The following IMMP2L variants were observed in gnomAD, a reference collection of about 807,000 sequenced individuals.
IMMP2L encodes inner mitochondrial membrane peptidase subunit 2.
IMMP2L carries 18 observed loss-of-function variants against 19.3 expected under a neutral mutation model. The ratio of observed to expected loss-of-function variants is 0.93; its 90% CI spans 0.64 to 1.38. The LOEUF (loss-of-function observed/expected upper bound fraction) is 1.38, where lower values mean the gene tolerates loss of function less well. Ranked by LOEUF, IMMP2L falls within the 40% of genes most tolerant of loss-of-function variation. The pLI is 0.00. For synonymous variants in IMMP2L, 76 were observed against 73.0 expected (o/e 1.04, Z -0.21); for missense variants, 233 against 218.2 (o/e 1.07, Z -0.43).
intron 3 of IMMP2L, among the ~76,000 whole-genome samples, chr7:111,346,326 G>A (rs1827558684): frequency 6.6e-6 from 1 of 152,112 alleles, no homozygotes; most frequent in Non-Finnish European, 1.5e-5. Flanking sequence ...CCCTTGTCCT[G>A]GGCTATTTCA....
rs1031271162 is a variant in IMMP2L, at chr7:110,728,414, G to T, written c.409-64693C>A. ...CTCGGGAGGCTGAGGCACGAGAATC[G>T]CTTGAACCTGGGAGGCAGAGGTTGC... is the stretch of plus-strand genomic sequence containing the variant. On this transcript the variant is annotated intron_variant, in intron 5 of 5. Coordinates refer to ENST00000405709, the MANE Select transcript of IMMP2L (RefSeq NM_032549.4). The surrounding 1 kb of genome is among the most constrained non-coding windows in gnomAD (Gnocchi z 4.6). Among the ~76,000 whole-genome samples the T allele has an allele frequency of 6.6e-6, 1 of 151,968 alleles. No individual in the cohort carries two copies. Among genetic ancestry groups the T allele is most frequent in the Admixed American group, 6.6e-5 (1 of 15,232 alleles).
At chr7:111,137,250 C>T (rs752921102) in intron 3 of IMMP2L, among the ~76,000 whole-genome samples, 11 of 151,936 alleles carry the variant, frequency 7.2e-5, no homozygotes, top group African/African-American at 1.9e-4. Context: ...GCTTTATTTA[C>T]GAGAAGACTC....
intron 3 of IMMP2L, among the ~76,000 whole-genome samples, chr7:111,481,396 T>C (rs748434777): frequency 6.6e-6 from 1 of 152,150 alleles, no homozygotes; most frequent in Admixed American, 6.5e-5. Flanking sequence ...GCCTTTGCTC[T>C]GCCACTTATT....
intron 3 of IMMP2L, chr7:111,483,418 T>A (rs149707051): frequency 1.3e-5 from 2 of 151,852 alleles, no homozygotes; most frequent in East Asian, 3.9e-4. Context: ...TGTAAATCAC[T>A]AAGAGAGTAT....
chr7:110,703,383 T>C (rs1794420792), intron 5 of IMMP2L, among the ~76,000 whole-genome samples: 1 of 152,102 alleles, frequency 6.6e-6, no homozygotes, highest in Non-Finnish European at 1.5e-5. Context: ...GGAGTATTGG[T>C]ATGTAGTTTT....
chr7:110,769,403 A>G (rs1290799747), intron 5 of IMMP2L, among the ~76,000 whole-genome samples: 1 of 152,180 alleles, frequency 6.6e-6, no homozygotes, highest in Non-Finnish European at 1.5e-5. Flanking sequence ...TTAGTAGTCA[A>G]CTAATTCCTC....
At chr7:111,410,013 A>G (rs375303957) in intron 3 of IMMP2L, among the ~76,000 whole-genome samples, 3 of 151,920 alleles carry the variant, frequency 2.0e-5, no homozygotes, top group East Asian at 3.9e-4. Context: ...GATGGCTGGA[A>G]TTTGTGGGAC....
At chr7:111,114,342 G>C (rs529189922) in intron 3 of IMMP2L, among the ~76,000 whole-genome samples, 2 of 152,186 alleles carry the variant, frequency 1.3e-5, no homozygotes, top group Non-Finnish European at 2.9e-5. Context: ...CTGTTTGACA[G>C]ACACATAAAA....
At chr7:110,690,491 G>A (rs943810588) in intron 5 of IMMP2L, among the ~76,000 whole-genome samples, 9 of 151,842 alleles carry the variant, frequency 5.9e-5, no homozygotes, top group African/African-American at 1.7e-4. Context: ...AAGGGCATCC[G>A]AATTGAAAAA....
At chr7:111,312,946 G>A (rs1487749291) in intron 3 of IMMP2L, among the ~76,000 whole-genome samples, 1 of 152,098 alleles carries the variant, frequency 6.6e-6, no homozygotes, top group Non-Finnish European at 1.5e-5. Flanking sequence ...AGAAAAAAAA[G>A]GAAGAAATAA....
chr7:111,016,696 T>A (rs1180400679), intron 3 of IMMP2L, among the ~76,000 whole-genome samples: 1 of 102,532 alleles, frequency 9.8e-6, no homozygotes, highest in Non-Finnish European at 1.7e-5. Context: ...TATATTTCTA[T>A]ATTATATATA....
At chr7:110,771,913 A>G (rs960620385) in intron 5 of IMMP2L, among the ~76,000 whole-genome samples, 20 of 152,156 alleles carry the variant, frequency 1.3e-4, no homozygotes, top group Non-Finnish European at 2.5e-4. Flanking sequence ...GCACTTGGTT[A>G]CAGAAGATGT....
At chr7:110,847,520 C>T (rs1805789105) in intron 5 of IMMP2L, among the ~76,000 whole-genome samples, 1 of 152,134 alleles carries the variant, frequency 6.6e-6, no homozygotes, top group African/African-American at 2.4e-5. Context: ...GTAGGTTCAA[C>T]ATAACCTCAA....
chr7:111,463,393 G>T (rs1840318926), intron 3 of IMMP2L, among the ~76,000 whole-genome samples: 1 of 151,956 alleles, frequency 6.6e-6, no homozygotes, highest in South Asian at 2.1e-4. Flanking sequence ...GCTCCTTTCT[G>T]CTCCACATCC....
At chr7:111,166,980 A>C (rs940633105) in intron 3 of IMMP2L, among the ~76,000 whole-genome samples, 3 of 151,954 alleles carry the variant, frequency 2.0e-5, no homozygotes, top group Non-Finnish European at 4.4e-5. Context: ...GATGAAATTC[A>C]CAGGTTCTGA....
chr7:111,289,596 A>T (rs10242018), intron 3 of IMMP2L, among the ~76,000 whole-genome samples: 54,862 of 151,830 alleles, frequency 0.36, 10,348 homozygotes, highest in South Asian at 0.61. Flanking sequence ...CTTCAAAGGG[A>T]TATATAAATC....
At chr7:111,528,855 A>G (rs1237433887) in intron 1 of IMMP2L, among the ~76,000 whole-genome samples, 1 of 152,192 alleles carries the variant, frequency 6.6e-6, no homozygotes, top group African/African-American at 2.4e-5. Flanking sequence ...ACACAAAATC[A>G]AGATTTTATT....
intron 3 of IMMP2L, among the ~76,000 whole-genome samples, chr7:111,278,533 C>T (rs908345571): frequency 6.6e-6 from 1 of 152,126 alleles, no homozygotes; most frequent in Non-Finnish European, 1.5e-5. Flanking sequence ...TTCACTAAAA[C>T]ATCATTCCAG....
At chr7:111,402,677 C>A (rs1833535624) in intron 3 of IMMP2L, among the ~76,000 whole-genome samples, 1 of 152,022 alleles carries the variant, frequency 6.6e-6, no homozygotes, top group South Asian at 2.1e-4. Flanking sequence ...CGCACCACTG[C>A]AATCCAGCCT....
Sources: allele counts gnomAD v4.1 joint callset (sites outside exome capture counted in the v4.1 genomes callset), GRCh38; gene constraint gnomAD v4.1.1; non-coding constraint Gnocchi (gnomAD v3.1); transcripts MANE v1.5; gene names NCBI Gene and HGNC (gene_info 2026-07-23, HGNC 2026-07-21).